ZNF470: variants seen among roughly 807,000 people sequenced by gnomAD.
ZNF470 encodes chondrogenesis zinc finger protein 1.
Under a neutral mutation model 13.9 loss-of-function variants are expected in ZNF470, and 13 were observed. That is an observed-to-expected ratio of 0.94 (90% CI 0.61 to 1.49). The LOEUF is 1.49. Ranked by LOEUF, ZNF470 falls within the 40% of genes most tolerant of loss-of-function variation. The pLI is 0.00. For synonymous variants in ZNF470, 293 were observed against 282.9 expected (o/e 1.04, Z -0.36); for missense variants, 929 against 857.3 (o/e 1.08, Z -1.04).
At position 56,578,132 on chromosome 19, in the gene ZNF470, T is replaced by C. The variant is rs2044506614; in HGVS notation, c.1703T>C (p.Ile568Thr). ...VHTGEKPYEC[I>T]ECGKAFSDGS... Reference sequence around the variant, plus strand: ...ACTGGTGAGAAGCCTTACGAATGTATTGAATGTGGGAAGGCCTTTAGTGAT... The same window carrying C: ...ACTGGTGAGAAGCCTTACGAATGTACTGAATGTGGGAAGGCCTTTAGTGAT... Residue 568 changes from isoleucine (I) to threonine (T), a missense_variant, in exon 6 of 6, where the codon ATT (isoleucine) becomes ACT (threonine). Coordinates refer to ENST00000330619, the MANE Select transcript of ZNF470 (RefSeq NM_001001668.4). 6.2e-7 allele frequency: 1 copy of C among 1,613,724 alleles called. No individual in the cohort carries two copies. The highest frequency in any genetic ancestry group is 1.1e-5 in the South Asian group (1 of 91,056).
chr19:56,569,703 C>CAAGGCAGGAGGATTGCTTG (rs1165048456), intron 2 of ZNF470, among the ~76,000 whole-genome samples: 2 of 152,040 alleles, frequency 1.3e-5, no homozygotes, highest in African/African-American at 4.8e-5. Context: ...TGTGGGAAGC[C>CAAGGCAGGAGGATTGCTTG]AAGGCAGGAG....
rs1273589630 is a variant in ZNF470 at position 56,577,919 on chromosome 19, C to G, written c.1490C>G (p.Ala497Gly). 19 of 1,613,752 alleles carry G rather than the reference C, an allele frequency of 1.2e-5. No individual in the cohort carries two copies. Among genetic ancestry groups the G allele is most frequent in the Non-Finnish European group, 1.4e-5 (17 of 1,179,938 alleles). The change falls in exon 6 of 6, where the codon GCT becomes GGT. Residue 497 changes from alanine to glycine, a missense_variant. Ala to Gly is a moderately conservative substitution (Grantham distance 60). Coordinates refer to ENST00000330619, the MANE Select transcript of ZNF470 (RefSeq NM_001001668.4). ...GKAFRQSTHL[A>G]HHQRIHTGEK... The stretch of plus-strand genomic sequence containing the variant: ...GCTTTCCGGCAGAGCACGCATCTGG[C>G]TCATCATCAGAGAATTCATACTGGA...
chr19:56,578,597 A>T lies in ZNF470; in HGVS notation c.*14A>T, dbSNP rs373201053. Reference sequence around the variant, plus strand: ...CAAGTCCTATAGATTCAATCTCGTAAATGCTTCTAGCATCCATCTGCTTTT... The same window carrying T: ...CAAGTCCTATAGATTCAATCTCGTATATGCTTCTAGCATCCATCTGCTTTT... On this transcript the variant is annotated 3_prime_UTR_variant, in exon 6 of 6. Transcript: ENST00000330619. The T allele has an allele frequency of 1.4e-5, 21 of 1,497,922 alleles. No individual in the cohort carries two copies. In the African/African-American group the frequency reaches 2.7e-4, roughly 19 times the overall value. 92.8% of individuals were successfully genotyped at this position (1,497,922 alleles called of 1,614,324 possible).
At position 56,581,600 on chromosome 19, in the gene ZNF470, ATAGCTGTGCTATAC is replaced by A; in HGVS notation, c.*3020_*3033del. ...AATCAATGTGTGTAGTCATAGAAAG[ATAGCTGTGCTATAC>A]TAAATGAAAAATTGCAGACCTGTAT... On this transcript the variant is annotated 3_prime_UTR_variant, in exon 6 of 6. Transcript: ENST00000330619. The A allele has an allele frequency of 1.2e-6, 1 of 826,558 alleles. No individual in the cohort carries two copies. Among genetic ancestry groups the A allele is most frequent in the African/African-American group, 1.8e-5 (1 of 54,060 alleles). The allele number at this position is 826,558 out of a possible 1,614,324, so 51.2% of individuals were successfully genotyped here.
chr19:56,577,204 A>G lies in ZNF470; in HGVS notation c.775A>G (p.Ile259Val), dbSNP rs2044495206. 6.2e-7 allele frequency: 1 copy of G among 1,612,568 alleles called. No individual in the cohort carries two copies. Among genetic ancestry groups the G allele is most frequent in the African/African-American group, 1.3e-5 (1 of 74,800 alleles). ...TACAGGAGAGAAACCCTATGAATGT[A>G]TTGAATGTGGAAAGGCCTTTAGCCA... is the stretch of plus-strand genomic sequence containing the variant. ...IHTGEKPYEC[I>V]ECGKAFSQSA... is the part of the protein sequence containing the mutation. The change falls in exon 6 of 6, where the codon ATT (isoleucine) becomes GTT (valine). Residue 259 changes from isoleucine (I) to valine (V), a missense_variant. Transcript: ENST00000330619.
Position 56,578,570 on chromosome 19 carries a change from A to T in ZNF470, c.2141A>T (p.His714Leu). 1 of 1,537,678 alleles carries T rather than the reference A, an allele frequency of 6.5e-7. No individual in the cohort carries two copies. The highest frequency in any genetic ancestry group is 8.7e-7 in the Non-Finnish European group (1 of 1,143,650). ...SVILSSALPY[H>L]QVL ...ATTCTCTCCTCTGCCCTCCCATACC[A>T]CCAAGTCCTATAGATTCAATCTCGT... The change falls in exon 6 of 6, where the codon CAC (histidine) becomes CTC (leucine). Residue 714 changes from histidine to leucine, a missense_variant. Transcript: ENST00000330619.
Position 56,570,319 on chromosome 19 carries a change from G to C in ZNF470, c.8G>C (p.Ser3Thr). 1.9e-6 allele frequency: 3 copies of C among 1,614,158 alleles called. No homozygotes were observed. The highest frequency in any genetic ancestry group is 2.5e-6 in the Non-Finnish European group (3 of 1,180,004). The change falls in exon 3 of 6, where the codon AGC (serine) becomes ACC (threonine). Residue 3 changes from serine to threonine, a missense_variant. By Grantham distance (58) the Ser-to-Thr change is moderately conservative. Transcript: ENST00000330619. ...AGTAAAGCTCTTCTCCAAATGAAGA[G>C]CCAGGAAGAGGTAGAGGTGGCAGGA... MK[S>T]QEEVEVAGIK...
intron 3 of ZNF470, chr19:56,574,086 G>A: frequency 2.5e-6 from 1 of 405,880 alleles, no homozygotes; most frequent in Non-Finnish European, 3.3e-6. Context: ...CATTGCGTTA[G>A]CACTTGATTA....
Position 56,581,603 on chromosome 19 carries a change from G to A in ZNF470, c.*3020G>A. The stretch of plus-strand genomic sequence containing the variant: ...CAATGTGTGTAGTCATAGAAAGATA[G>A]CTGTGCTATACTAAATGAAAAATTG... On this transcript the variant is annotated 3_prime_UTR_variant, in exon 6 of 6. Coordinates refer to ENST00000330619, the MANE Select transcript of ZNF470 (RefSeq NM_001001668.4). 1 of 831,084 alleles carries A rather than the reference G, an allele frequency of 1.2e-6. No homozygotes were observed. The highest frequency in any genetic ancestry group is 1.5e-6 in the Non-Finnish European group (1 of 689,394). The allele number at this position is 831,084 out of a possible 1,614,324, so 51.5% of individuals were successfully genotyped here. A position where few individuals can be genotyped will look rare whatever the true frequency, so the allele number is the denominator to read the frequency against.
In ZNF470 at chr19:56,577,826, G is replaced by T. The variant is rs774981304; in HGVS notation, c.1397G>T (p.Gly466Val). ...TGTGAGAAAGCCTTCAGCCATCGTG[G>T]GTCTCTTACTCTTCATCAGAGAGTT... Reference protein sequence around the residue: ...NICEKAFSHRGSLTLHQRVHT... With the variant: ...NICEKAFSHRVSLTLHQRVHT... The change falls in exon 6 of 6, where the codon GGG (glycine) becomes GTG (valine). Residue 466 changes from glycine to valine, a missense_variant. Physicochemically the swap from Gly to Val is moderately radical, Grantham distance 109. Transcript: ENST00000330619. 6.2e-7 allele frequency: 1 copy of T among 1,612,648 alleles called. No homozygotes were observed. The highest frequency in any genetic ancestry group is 1.7e-5 in the Admixed American group (1 of 59,864).
In ZNF470 at chr19:56,574,016, A is replaced by G. The variant is rs377211710; in HGVS notation, c.61-378A>G. On this transcript the variant is annotated intron_variant, in intron 3 of 5. Coordinates refer to ENST00000330619, the MANE Select transcript of ZNF470 (RefSeq NM_001001668.4). Reference sequence around the variant, plus strand: ...ATCCTTCCTTGCAAGTTTTTCTCACAGTTCCAGAGCTCTTTAGCTTCTCCA... The same window carrying G: ...ATCCTTCCTTGCAAGTTTTTCTCACGGTTCCAGAGCTCTTTAGCTTCTCCA... 1.8e-5 allele frequency: 17 copies of G among 932,492 alleles called. No homozygotes were observed. The African/African-American group carries it at 3.0e-4, about 17-fold the overall frequency. The allele number at this position is 932,492 out of a possible 1,614,324, so 57.8% of individuals were successfully genotyped here.
intron 3 of ZNF470, among the ~76,000 whole-genome samples, chr19:56,572,773 C>T (rs148474872): frequency 6.6e-6 from 1 of 151,954 alleles, no homozygotes; most frequent in Admixed American, 6.6e-5. Context: ...AACTGTCAAC[C>T]TAGAATACTA....
Position 56,581,700 on chromosome 19 carries a change from G to C in ZNF470, c.*3117G>C. On this transcript the variant is annotated 3_prime_UTR_variant, in exon 6 of 6. Coordinates refer to ENST00000330619, the MANE Select transcript of ZNF470 (RefSeq NM_001001668.4). ...AAAATCAAAATATATATTATAGTAG[G>C]CATTTGTTTTTCTCTGCCCAGTTTC... The C allele has an allele frequency of 1.6e-5, 16 of 984,366 alleles. No individual in the cohort carries two copies. The highest frequency in any genetic ancestry group is 5.2e-4 in the Middle Eastern group (1 of 1,910). 61.0% of individuals were successfully genotyped at this position (984,366 alleles called of 1,614,324 possible). A position where few individuals can be genotyped will look rare whatever the true frequency, so the allele number is the denominator to read the frequency against.
chr19:56,569,639 C>T (rs1466210551), intron 2 of ZNF470, among the ~76,000 whole-genome samples: 3 of 152,086 alleles, frequency 2.0e-5, no homozygotes, highest in African/African-American at 7.2e-5. Context: ...GATTTAAAGA[C>T]AGTATTAATA....
At position 56,577,045 on chromosome 19, in the gene ZNF470, A is replaced by G; in HGVS notation, c.616A>G (p.Lys206Glu). ...EERIFNFHTDKKSLKTHSVVK... is the reference protein window; with the variant it reads ...EERIFNFHTDEKSLKTHSVVK... ...GAGAATATTTAATTTTCATACAGAT[A>G]AGAAAAGCTTAAAAACACATTCAGT... The change falls in exon 6 of 6, where the codon AAG becomes GAG. Residue 206 changes from lysine (K) to glutamate (E), a missense_variant. Physicochemically the swap from Lys to Glu is moderately conservative, Grantham distance 56 (BLOSUM62 1). Transcript: ENST00000330619. 1 of 1,588,736 alleles carries G rather than the reference A, an allele frequency of 6.3e-7. No individual in the cohort carries two copies. The highest frequency in any genetic ancestry group is 1.2e-5 in the South Asian group (1 of 86,760).
intron 3 of ZNF470, among the ~76,000 whole-genome samples, chr19:56,572,720 A>C (rs1185826615): frequency 6.6e-6 from 1 of 151,972 alleles, no homozygotes; most frequent in African/African-American, 2.4e-5. Context: ...TGAAAACTAA[A>C]GACAAAAAAA....
Position 56,581,272 on chromosome 19 carries a change from A to G in ZNF470, c.*2689A>G. 1.5e-6 allele frequency: 1 copy of G among 663,864 alleles called. No homozygotes were observed. Among genetic ancestry groups the G allele is most frequent in the African/African-American group, 2.0e-5 (1 of 50,844 alleles). 41.1% of individuals were successfully genotyped at this position (663,864 alleles called of 1,614,324 possible). On this transcript the variant is annotated 3_prime_UTR_variant, in exon 6 of 6. Transcript: ENST00000330619. The stretch of plus-strand genomic sequence containing the variant: ...TATCCAATATCACTAGAAATCAAGA[A>G]ATGCAAATTAAAGTGATTATCTACT...
chr19:56,574,386 C>A lies in ZNF470; in HGVS notation c.61-8C>A, dbSNP rs770233173. On this transcript the variant is annotated splice_region_variant and splice_polypyrimidine_tract_variant and intron_variant, in intron 3 of 5. Transcript: ENST00000330619. ...TGAGTGAGCAAGATCATATTTGTGT[C>A]ATTTTAGGGTTCAGTGACTTTCACA... 1.2e-6 allele frequency: 2 copies of A among 1,613,516 alleles called. No individual in the cohort carries two copies. The highest frequency in any genetic ancestry group is 2.2e-5 in the South Asian group (2 of 91,030).
At chr19:56,573,684 A>G (rs763346401) in intron 3 of ZNF470, among the ~76,000 whole-genome samples, 132 of 152,332 alleles carry the variant, frequency 8.7e-4, no homozygotes, top group Middle Eastern at 6.8e-3. Flanking sequence ...GCTCAGGCCT[A>G]TAATCCCAAC....
Sources: allele counts gnomAD v4.1 joint callset (sites outside exome capture counted in the v4.1 genomes callset), GRCh38; gene constraint gnomAD v4.1.1; transcripts MANE v1.5; gene names NCBI Gene and HGNC (gene_info 2026-07-23, HGNC 2026-07-21).